Variants in CHD5 observed in about 807,000 individuals in gnomAD.
CHD5 encodes the protein chromodomain helicase DNA binding protein 5.
CHD5 carries 69 observed loss-of-function variants against 230.3 expected under a neutral mutation model. The ratio of observed to expected loss-of-function variants is 0.30; its 90% CI spans 0.25 to 0.37. The LOEUF (loss-of-function observed/expected upper bound fraction) is 0.37. Among genes scored for constraint, CHD5 ranks in the 10% least tolerant of loss-of-function variants. The pLI is 1.00. For synonymous variants in CHD5, 1,064 were observed against 1,065.9 expected (o/e 1.00, Z 0.03); for missense variants, 1,827 against 2,622.8 (o/e 0.70, Z 6.63).
chr1:6,150,911 G>C, intron 7 of CHD5, 121 bp downstream of exon 7: 1 of 1,249,832 alleles, frequency 8.0e-7, no homozygotes, highest in Non-Finnish European at 1.0e-6. Flanking sequence ...GCTTCCCACG[G>C]GGAGGTTCCA....
At position 6,111,811 on chromosome 1, in the gene CHD5, C is replaced by T. The variant is rs1360828017; in HGVS notation, c.5213G>A (p.Arg1738Gln). The T allele has an allele frequency of 2.5e-6, 4 of 1,613,428 alleles. No homozygotes were observed. The highest frequency in any genetic ancestry group is 3.4e-6 in the Non-Finnish European group (4 of 1,180,018). Residue 1738 changes from arginine to glutamine, a missense_variant, in exon 36 of 42, where the codon CGG (arginine) becomes CAG (glutamine). Arg to Gln is a conservative substitution (Grantham distance 43). Transcript: ENST00000262450. ...SSGKIYDIWH[R>Q]RHDYWLLAGI... is the part of the protein sequence containing the mutation. ...CGCCAGCAGCCAGTAGTCATGGCGCCGGTGCCAGATGTCGTAGATTTTCCC... is the reference window on the plus strand; with the variant it reads ...CGCCAGCAGCCAGTAGTCATGGCGCTGGTGCCAGATGTCGTAGATTTTCCC...
At chr1:6,112,772 G>A (rs1666313967) in intron 34 of CHD5, 137 bp downstream of exon 34, 3 of 633,570 alleles carry the variant, frequency 4.7e-6, no homozygotes, top group African/African-American at 3.7e-5. Flanking sequence ...GTGAATCCAG[G>A]CTCCCACCTG....
rs991940586 is a variant in CHD5 at position 6,104,549 on chromosome 1, A to G, written c.*925T>C. The G allele has an allele frequency of 2.0e-5, 3 of 152,012 alleles. No individual in the cohort carries two copies. The highest frequency in any genetic ancestry group is 7.3e-5 in the African/African-American group (3 of 41,340). 9.4% of individuals were successfully genotyped at this position (152,012 alleles called of 1,614,324 possible). On this transcript the variant is annotated 3_prime_UTR_variant, in exon 42 of 42. Transcript: ENST00000262450. Reference sequence around the variant, plus strand: ...TGACCCTCCTTGCTGGGGCGCAGCTATCACTGCCCTTAACCACACCTCTGG... The same window carrying G: ...TGACCCTCCTTGCTGGGGCGCAGCTGTCACTGCCCTTAACCACACCTCTGG...
intron 9 of CHD5, among the ~76,000 whole-genome samples, chr1:6,147,531 T>C (rs1666930019): frequency 6.6e-6 from 1 of 151,998 alleles, no homozygotes; most frequent in Non-Finnish European, 1.5e-5. Context: ...ACCACACCAC[T>C]CGGGCCCTGA....
rs1256312874 is a variant in CHD5 at position 6,121,468 on chromosome 1, G to A, written c.4779+26C>T. On this transcript the variant is annotated intron_variant, in intron 32 of 41. Transcript: ENST00000262450. The surrounding 1 kb of genome is among the most constrained non-coding windows in gnomAD (Gnocchi z 4.5). Reference sequence around the variant, plus strand: ...CAACCTCCACCCCACACACACCACAGGCCCAGACGCCAGCAAGTTCCACAC... The same window carrying A: ...CAACCTCCACCCCACACACACCACAAGCCCAGACGCCAGCAAGTTCCACAC... 4 of 1,595,110 alleles carry A rather than the reference G, an allele frequency of 2.5e-6. No individual in the cohort carries two copies. In the South Asian group the frequency reaches 3.4e-5, roughly 13 times the overall value.
In CHD5 at chr1:6,154,070, G is replaced by A. The variant is rs1007509098; in HGVS notation, c.745+590C>T. Among the ~76,000 whole-genome samples the A allele has an allele frequency of 3.9e-5, 6 of 152,122 alleles. No individual in the cohort carries two copies. The highest frequency in any genetic ancestry group is 1.4e-4 in the African/African-American group (6 of 41,414). On this transcript the variant is annotated intron_variant, in intron 5 of 41. Transcript: ENST00000262450. This position sits in a 1 kb window ranked among gnomAD's most constrained non-coding sequence, Gnocchi z 7.0. ...TCGATCTCCTTCCAGGCCTGTCCCA[G>A]AACAGCCTCCCTGGGAAGCGAGACC...
chr1:6,158,800 G>A (rs1667118752), intron 3 of CHD5, among the ~76,000 whole-genome samples: 1 of 151,874 alleles, frequency 6.6e-6, no homozygotes, highest in Admixed American at 6.6e-5. Context: ...GAGGTCAGGA[G>A]ATCGAGACCA....
rs1272045201 is a variant in CHD5 at position 6,128,721 on chromosome 1, G to C, written c.3620-112C>G. 4.8e-6 allele frequency: 6 copies of C among 1,251,878 alleles called. No individual in the cohort carries two copies. The African/African-American group carries it at 5.9e-5, about 12-fold the overall frequency. 77.5% of individuals were successfully genotyped at this position (1,251,878 alleles called of 1,614,324 possible). A position where few individuals can be genotyped will look rare whatever the true frequency, so the allele number is the denominator to read the frequency against. On this transcript the variant is annotated intron_variant, in intron 23 of 41. Transcript: ENST00000262450. This position sits in a 1 kb window ranked among gnomAD's most constrained non-coding sequence, Gnocchi z 7.8. The stretch of plus-strand genomic sequence containing the variant: ...TGTCCTAGCCAGGAGATACAGGTGG[G>C]GGGTGCAGAAGAGAGGCTGTGTGTT...
chr1:6,168,422 T>A, intron 1 of CHD5, 145 bp from the exon 2 acceptor site: 1 of 928,612 alleles, frequency 1.1e-6, no homozygotes, highest in Non-Finnish European at 1.6e-6. Flanking sequence ...CCAAACCCAG[T>A]GAAGTGAGAG....
At chr1:6,138,360 G>A (rs548553494) in intron 15 of CHD5, among the ~76,000 whole-genome samples, 12 of 151,918 alleles carry the variant, frequency 7.9e-5, no homozygotes, top group African/African-American at 2.7e-4. Context: ...CTGGGTGACA[G>A]AGTGAGTCTC....
chr1:6,137,711 C>T (rs543205978), intron 15 of CHD5, among the ~76,000 whole-genome samples: 1 of 152,362 alleles, frequency 6.6e-6, no homozygotes, highest in South Asian at 2.1e-4. Context: ...ATGGCATAGC[C>T]AGGATATGAA....
intron 1 of CHD5, among the ~76,000 whole-genome samples, chr1:6,172,848 G>A (rs535013790): frequency 6.6e-6 from 1 of 152,276 alleles, no homozygotes; most frequent in African/African-American, 2.4e-5. Context: ...ACTCCTCTGG[G>A]GAGGGGCAGC....
rs1291672665 is a variant in CHD5, at chr1:6,134,291, G to A, written c.3013-32C>T. ...ACACAGCAGGAGGTGGGGCATTGGT[G>A]GGCTCCCCTCTCCTCTCTGACTCTG... On this transcript the variant is annotated intron_variant, in intron 19 of 41. Coordinates refer to ENST00000262450, the MANE Select transcript of CHD5 (RefSeq NM_015557.3). This position sits in a 1 kb window ranked among gnomAD's most constrained non-coding sequence, Gnocchi z 6.3. 6.2e-7 allele frequency: 1 copy of A among 1,606,992 alleles called. No individual in the cohort carries two copies. Among genetic ancestry groups the A allele is most frequent in the African/African-American group, 1.3e-5 (1 of 74,888 alleles).
intron 1 of CHD5, among the ~76,000 whole-genome samples, chr1:6,174,089 T>A (rs1470363182): frequency 7.2e-6 from 1 of 138,932 alleles, no homozygotes; most frequent in Non-Finnish European, 1.6e-5. Flanking sequence ...AGGGCATGGG[T>A]GGGGAGGAGG....
chr1:6,172,792 C>T (rs1667359288), intron 1 of CHD5, among the ~76,000 whole-genome samples: 1 of 152,196 alleles, frequency 6.6e-6, no homozygotes, highest in African/African-American at 2.4e-5. Flanking sequence ...ACTAGTCCCC[C>T]TGCACACAGC....
At chr1:6,160,662 A>C (rs1225901013) in intron 2 of CHD5, among the ~76,000 whole-genome samples, 1 of 152,270 alleles carries the variant, frequency 6.6e-6, no homozygotes, top group South Asian at 2.1e-4. Flanking sequence ...CTCTGCAGAC[A>C]CTGCTATGGA....
chr1:6,143,816 C>CA lies in CHD5; in HGVS notation c.2043+6dup, dbSNP rs1666868661. 6.2e-7 allele frequency: 1 copy of CA among 1,609,536 alleles called. No homozygotes were observed. The highest frequency in any genetic ancestry group is 8.5e-7 in the Non-Finnish European group (1 of 1,179,070). On this transcript the variant is annotated splice_region_variant and intron_variant, in intron 13 of 41. Transcript: ENST00000262450. Reference sequence around the variant, plus strand: ...CCACCCACTGCTGCCCCACCCTCCCCACTCACGTCCACAATGGGCGTGTCC... The same window carrying CA: ...CCACCCACTGCTGCCCCACCCTCCCCAACTCACGTCCACAATGGGCGTGTCC...
At position 6,180,056 on chromosome 1, in the gene CHD5, C is replaced by T; in HGVS notation, c.-33G>A. 2 of 1,193,420 alleles carry T rather than the reference C, an allele frequency of 1.7e-6. No homozygotes were observed. Among genetic ancestry groups the T allele is most frequent in the Non-Finnish European group, 2.1e-6 (2 of 936,496 alleles). 73.9% of individuals were successfully genotyped at this position (1,193,420 alleles called of 1,614,324 possible). Reference sequence around the variant, plus strand: ...GCGGGGAGGAGGGGAGGTGGGCGCCCCCCCTCCCGCCGGGCGCGGTGCCAG... The same window carrying T: ...GCGGGGAGGAGGGGAGGTGGGCGCCTCCCCTCCCGCCGGGCGCGGTGCCAG... On this transcript the variant is annotated 5_prime_UTR_variant, in exon 1 of 42. Coordinates refer to ENST00000262450, the MANE Select transcript of CHD5 (RefSeq NM_015557.3).
At chr1:6,172,085 G>A (rs1364425498) in intron 1 of CHD5, among the ~76,000 whole-genome samples, 1 of 152,232 alleles carries the variant, frequency 6.6e-6, no homozygotes, top group East Asian at 1.9e-4. Context: ...CCCCTCTCTA[G>A]CTCCCAGTAT....
Sources: allele counts gnomAD v4.1 joint callset (sites outside exome capture counted in the v4.1 genomes callset), GRCh38; gene constraint gnomAD v4.1.1; non-coding constraint Gnocchi (gnomAD v3.1); transcripts MANE v1.5; gene names NCBI Gene and HGNC (gene_info 2026-07-23, HGNC 2026-07-21).